Variants in CRY1 observed in about 807,000 individuals in gnomAD.
The protein encoded by CRY1 is cryptochrome circadian regulator 1.
A neutral mutation model predicts 76.0 loss-of-function variants in CRY1; 45 were observed. That is an observed-to-expected ratio of 0.59 (90% CI 0.47 to 0.76). The LOEUF (loss-of-function observed/expected upper bound fraction) is 0.76, where lower values mean the gene tolerates loss of function less well. Among genes scored for constraint, CRY1 ranks in the 30% least tolerant of loss-of-function variants. The pLI is 0.00. For synonymous variants in CRY1, 248 were observed against 244.0 expected, an observed-to-expected ratio of 1.02 and a Z score of -0.15; for missense variants, 587 against 716.4, an observed-to-expected ratio of 0.82 and a Z score of 2.06.
At chr12:107,024,319 C>T (rs1419364840) in intron 1 of CRY1, among the ~76,000 whole-genome samples, 1 of 151,808 alleles carries the variant, frequency 6.6e-6, no homozygotes, top group Admixed American at 6.6e-5. Flanking sequence ...ATGATTAATT[C>T]ATAAAATGAA....
At chr12:107,067,417 G>A (rs1953126290) in intron 1 of CRY1, among the ~76,000 whole-genome samples, 1 of 152,064 alleles carries the variant, frequency 6.6e-6, no homozygotes, top group African/African-American at 2.4e-5. Context: ...TTATCTCACA[G>A]ACTCCCTTTT....
Position 107,009,555 on chromosome 12 carries a change from CAA to C in CRY1, c.268-4309_268-4308del, listed in dbSNP as rs201692464. Among the ~76,000 whole-genome samples, 134 of 32,174 alleles carry C rather than the reference CAA, an allele frequency of 4.2e-3. 4 individuals carry two copies. Among genetic ancestry groups the C allele is most frequent in the Admixed American group, 0.031 (70 of 2,272 alleles). The allele number at this position is 32,174 out of a possible 152,430, so 21.1% of individuals were successfully genotyped here. On this transcript the variant is annotated intron_variant, in intron 2 of 12. Coordinates refer to ENST00000008527, the MANE Select transcript of CRY1 (RefSeq NM_004075.5). ...CTCCATCTCAGAAAAAACAAAAAAA[CAA>C]AAAAACATATATATATATATATATA...
chr12:107,045,169 T>C (rs1158505249), intron 1 of CRY1, among the ~76,000 whole-genome samples: 4 of 151,994 alleles, frequency 2.6e-5, no homozygotes, highest in South Asian at 2.1e-4. Context: ...ATTAGACTAA[T>C]AGCAGATTTC....
At position 106,999,832 on chromosome 12, in the gene CRY1, G is replaced by A. The variant is rs769263044; in HGVS notation, c.856C>T (p.Leu286Phe). Residue 286 changes from leucine (L) to phenylalanine (F), a missense_variant, in exon 7 of 13, where the codon CTT becomes TTT. Leu to Phe is a conservative substitution (Grantham distance 22). Coordinates refer to ENST00000008527, the MANE Select transcript of CRY1 (RefSeq NM_004075.5). Reference sequence around the variant, plus strand: ...TCACGCCATAACAGTTGCCCATAAAGGGAAAGGGGAGGGGAACTGTTCTTC... The same window carrying A: ...TCACGCCATAACAGTTGCCCATAAAAGGAAAGGGGAGGGGAACTGTTCTTC... ...VKKNSSPPLS[L>F]YGQLLWREFF... 4 of 1,613,498 alleles carry A rather than the reference G, an allele frequency of 2.5e-6. No individual in the cohort carries two copies. Among genetic ancestry groups the A allele is most frequent in the South Asian group, 1.1e-5 (1 of 90,954 alleles).
chr12:107,038,263 T>C (rs1310249766), intron 1 of CRY1, among the ~76,000 whole-genome samples: 1 of 152,048 alleles, frequency 6.6e-6, no homozygotes, highest in African/African-American at 2.4e-5. Context: ...ATTTGAGATA[T>C]AAAACTGGAA....
chr12:107,042,468 A>T (rs1013172340), intron 1 of CRY1, among the ~76,000 whole-genome samples: 2 of 151,560 alleles, frequency 1.3e-5, no homozygotes, highest in Admixed American at 1.3e-4. Flanking sequence ...CCCCTGATAT[A>T]AAAAAAAGGC....
At chr12:107,082,171 C>A (rs1412080100) in intron 1 of CRY1, among the ~76,000 whole-genome samples, 1 of 151,740 alleles carries the variant, frequency 6.6e-6, no homozygotes, top group Non-Finnish European at 1.5e-5. Context: ...TATATATGCA[C>A]CCAAAACAAG....
chr12:107,001,518 A>G, intron 4 of CRY1, 150 bp from the exon 5 acceptor site: 2 of 715,330 alleles, frequency 2.8e-6, no homozygotes, highest in Admixed American at 3.0e-5. Context: ...CCTATAGAGG[A>G]TATGACATGG....
In CRY1 at chr12:106,999,795, G is replaced by C; in HGVS notation, c.893C>G (p.Thr298Arg). 1.2e-6 allele frequency: 2 copies of C among 1,614,200 alleles called. No homozygotes were observed. Among genetic ancestry groups the C allele is most frequent in the Non-Finnish European group, 8.5e-7 (1 of 1,180,030 alleles). ...AAAGCGTGGATTATTTGTTGCTGCT[G>C]TATAGAAAAATTCACGCCATAACAG... ...GQLLWREFFY[T>R]AATNNPRFDK... Residue 298 changes from threonine (T) to arginine (R), a missense_variant, in exon 7 of 13, where the codon ACA becomes AGA. Thr to Arg is a moderately conservative substitution (Grantham distance 71). Coordinates refer to ENST00000008527, the MANE Select transcript of CRY1 (RefSeq NM_004075.5).
chr12:107,093,091 G>A lies in CRY1; in HGVS notation c.-130C>T, dbSNP rs1953495759. ...GGAAAGGGCGGCAGAGGGGGAACAGGAAAAAATGACTCCGAGGAGGGGACC... is the reference window on the plus strand; with the variant it reads ...GGAAAGGGCGGCAGAGGGGGAACAGAAAAAAATGACTCCGAGGAGGGGACC... On this transcript the variant is annotated 5_prime_UTR_variant, in exon 1 of 13. Transcript: ENST00000008527. The A allele has an allele frequency of 5.3e-6, 6 of 1,132,824 alleles. No individual in the cohort carries two copies. The highest frequency in any genetic ancestry group is 1.6e-5 in the African/African-American group (1 of 62,618). The allele number at this position is 1,132,824 out of a possible 1,614,324, so 70.2% of individuals were successfully genotyped here.
chr12:107,036,323 T>A (rs1379378298), intron 1 of CRY1, among the ~76,000 whole-genome samples: 1 of 152,234 alleles, frequency 6.6e-6, no homozygotes, highest in Non-Finnish European at 1.5e-5. Flanking sequence ...CATCTAAAAC[T>A]ATGGCAAATC....
At chr12:107,015,109 C>T (rs1316453078) in intron 2 of CRY1, among the ~76,000 whole-genome samples, 1 of 152,156 alleles carries the variant, frequency 6.6e-6, no homozygotes, top group African/African-American at 2.4e-5. Context: ...CACTCCCGAC[C>T]TTGTGATCCG....
chr12:106,999,718 G>C lies in CRY1; in HGVS notation c.970C>G (p.Pro324Ala). ...TCCGCCCATTTGGCTAAAGCCTCAG[G>C]ATTTTTATCCCAAGGAATCTGAACA... ...ICVQIPWDKN[P>A]EALAKWAEGR... The change falls in exon 7 of 13, where the codon CCT becomes GCT. Residue 324 changes from proline to alanine, a missense_variant. Transcript: ENST00000008527. 1.2e-6 allele frequency: 2 copies of C among 1,614,206 alleles called. No individual in the cohort carries two copies. Among genetic ancestry groups the C allele is most frequent in the South Asian group, 1.1e-5 (1 of 91,080 alleles).
intron 10 of CRY1, among the ~76,000 whole-genome samples, chr12:106,995,595 T>C (rs752649381): frequency 6.6e-6 from 1 of 152,158 alleles, no homozygotes; most frequent in African/African-American, 2.4e-5. Flanking sequence ...TACAAAGTGT[T>C]TGTATGATTT....
At chr12:107,054,538 A>G (rs1035659197) in intron 1 of CRY1, among the ~76,000 whole-genome samples, 1 of 151,690 alleles carries the variant, frequency 6.6e-6, no homozygotes, top group African/African-American at 2.4e-5. Context: ...TAATTATAAC[A>G]AATGTAAACA....
rs771346088 is a variant in CRY1, at chr12:107,005,095, AAAG to A, written c.410+8_410+10del. 179 of 1,587,838 alleles carry A rather than the reference AAAG, an allele frequency of 1.1e-4. No homozygotes were observed. Among genetic ancestry groups the A allele is most frequent in the Non-Finnish European group, 1.5e-4 (174 of 1,172,456 alleles). On this transcript the variant is annotated splice_region_variant and intron_variant, in intron 3 of 12. Coordinates refer to ENST00000008527, the MANE Select transcript of CRY1 (RefSeq NM_004075.5). ...GCATTTTCCCACAGTAAAAAAAAAAAAAGGACTCACTTGTCTAGGTCATATAAT... is the reference window on the plus strand; with the variant it reads ...GCATTTTCCCACAGTAAAAAAAAAAAGACTCACTTGTCTAGGTCATATAAT...
At chr12:107,025,978 T>C (rs1952603989) in intron 1 of CRY1, among the ~76,000 whole-genome samples, 1 of 150,316 alleles carries the variant, frequency 6.7e-6, no homozygotes, top group Admixed American at 6.7e-5. Flanking sequence ...TAAGTTCATA[T>C]CACACTAACC....
Position 107,019,074 on chromosome 12 carries a change from C to G in CRY1, c.267+3010G>C, listed in dbSNP as rs546857422. Among the ~76,000 whole-genome samples, 4 of 152,204 alleles carry G rather than the reference C, an allele frequency of 2.6e-5. No individual in the cohort carries two copies. The East Asian group carries it at 7.7e-4, about 29-fold the overall frequency. On this transcript the variant is annotated intron_variant, in intron 2 of 12. Transcript: ENST00000008527. Reference sequence around the variant, plus strand: ...TTAAAAATCCTCACTACTTGCTGTACTAGAACCAAAAGACCTGAGACACTA... The same window carrying G: ...TTAAAAATCCTCACTACTTGCTGTAGTAGAACCAAAAGACCTGAGACACTA...
chr12:107,044,971 C>G (rs1343882985), intron 1 of CRY1, among the ~76,000 whole-genome samples: 1 of 152,080 alleles, frequency 6.6e-6, no homozygotes, highest in Non-Finnish European at 1.5e-5. Flanking sequence ...GAAATCATAG[C>G]AGAAAACTTC....
Sources: gnomAD v4.1 joint callset for allele counts (sites outside exome capture counted in the v4.1 genomes callset) on GRCh38, gnomAD v4.1.1 for gene constraint, MANE v1.5 for transcripts, NCBI Gene and HGNC (gene_info 2026-07-23, HGNC 2026-07-21) for gene names.